S100Z: variants seen among roughly 807,000 people sequenced by gnomAD.
S100Z encodes the protein S100 calcium binding protein Z, also known as protein S100-Z.
Under a neutral mutation model 8.5 loss-of-function variants are expected in S100Z, and 11 were observed. The ratio of observed to expected loss-of-function variants is 1.30; its 90% CI spans 0.82 to 2.15. The LOEUF (loss-of-function observed/expected upper bound fraction) is 2.15. S100Z is among the 30% of genes most tolerant of loss of function. S100Z has a pLI of 0.00. For synonymous variants in S100Z, 34 were observed against 43.8 expected (o/e 0.78, Z 0.89); for missense variants, 126 against 117.9 (o/e 1.07, Z -0.32).
chr5:76,884,889 G>A (rs552134993), intron 4 of S100Z, among the ~76,000 whole-genome samples: 1 of 152,274 alleles, frequency 6.6e-6, no homozygotes, highest in East Asian at 1.9e-4. Flanking sequence ...TTGGGGTGGA[G>A]ACTGAAGGAA....
downstream of S100Z, among the ~76,000 whole-genome samples, chr5:76,922,538 G>A (rs1445894881): frequency 1.3e-5 from 2 of 151,988 alleles, no homozygotes; most frequent in Non-Finnish European, 2.9e-5. Flanking sequence ...TTGTTTGTTT[G>A]TTTTTGAGAT....
At chr5:76,896,300 G>C (rs969978423) in intron 4 of S100Z, among the ~76,000 whole-genome samples, 2 of 152,122 alleles carry the variant, frequency 1.3e-5, no homozygotes, top group African/African-American at 4.8e-5. Flanking sequence ...TTGTCTTTCT[G>C]TGCATGGCTC....
At chr5:76,915,488 G>A (rs1293456898) in intron 4 of S100Z, among the ~76,000 whole-genome samples, 2 of 151,482 alleles carry the variant, frequency 1.3e-5, no homozygotes, top group Non-Finnish European at 2.9e-5. Flanking sequence ...AGCGTCTGTA[G>A]TCCTGGCTAC....
chr5:76,853,518 G>A (rs557687838), intron 1 of S100Z, among the ~76,000 whole-genome samples: 7 of 152,202 alleles, frequency 4.6e-5, no homozygotes, highest in South Asian at 2.1e-4. Flanking sequence ...TCCCCAGGCC[G>A]GATGTGTTGG....
At chr5:76,880,282 G>A (rs1743357314) in intron 4 of S100Z, among the ~76,000 whole-genome samples, 3 of 152,344 alleles carry the variant, frequency 2.0e-5, no homozygotes, top group Non-Finnish European at 4.4e-5. Context: ...GGATGTATAT[G>A]TGCAGGTCAC....
chr5:76,886,898 A>G (rs1287703578), intron 4 of S100Z, among the ~76,000 whole-genome samples: 1 of 152,124 alleles, frequency 6.6e-6, no homozygotes, highest in African/African-American at 2.4e-5. Context: ...CAATGGTGGA[A>G]TGTCATCAGT....
intron 4 of S100Z, among the ~76,000 whole-genome samples, chr5:76,900,406 A>G (rs1744189940): frequency 6.6e-6 from 1 of 151,634 alleles, no homozygotes; most frequent in African/African-American, 2.4e-5. Flanking sequence ...ATTCTGTAGG[A>G]TTACTTCATT....
chr5:76,855,564 T>G (rs1247518246), intron 1 of S100Z, among the ~76,000 whole-genome samples: 3 of 152,208 alleles, frequency 2.0e-5, no homozygotes, highest in Non-Finnish European at 4.4e-5. Flanking sequence ...GGCCTCTTTT[T>G]GGGGGCTGAT....
intron 4 of S100Z, among the ~76,000 whole-genome samples, chr5:76,885,786 TG>T (rs1472516562): frequency 6.9e-6 from 1 of 143,952 alleles, no homozygotes; most frequent in Non-Finnish European, 1.5e-5. Context: ...ACAGAAGAGG[TG>T]GGGGCTGCTT....
At chr5:76,851,163 G>A (rs1265803847) in intron 1 of S100Z, among the ~76,000 whole-genome samples, 1 of 152,228 alleles carries the variant, frequency 6.6e-6, no homozygotes, top group Non-Finnish European at 1.5e-5. Context: ...AGGGGCATCG[G>A]AGGCTTCCCT....
intron 1 of S100Z, among the ~76,000 whole-genome samples, chr5:76,860,641 G>A (rs1751028700): frequency 1.3e-5 from 2 of 152,198 alleles, no homozygotes; most frequent in African/African-American, 4.8e-5. Flanking sequence ...GCTTTGTGAT[G>A]TGAGGTGATG....
the S100Z span, chr5:76,948,932 G>A: frequency 6.6e-6 from 1 of 152,188 alleles, no homozygotes; most frequent in Non-Finnish European, 1.5e-5. Context: ...ACACATACTG[G>A]GGCCTATTGG....
At chr5:76,924,817 G>T (rs1254342426), downstream of S100Z, among the ~76,000 whole-genome samples, 1 of 152,130 alleles carries the variant, frequency 6.6e-6, no homozygotes, top group African/African-American at 2.4e-5. Context: ...GGAGGCTGAG[G>T]TAGGAGAATC....
At chr5:76,864,869 T>C (rs1437689226) in intron 1 of S100Z, among the ~76,000 whole-genome samples, 1 of 151,924 alleles carries the variant, frequency 6.6e-6, no homozygotes, top group African/African-American at 2.4e-5. Flanking sequence ...TCACCATGCC[T>C]GGCTAATTGT....
chr5:76,889,907 A>G (rs898200855), intron 4 of S100Z, among the ~76,000 whole-genome samples: 1 of 152,268 alleles, frequency 6.6e-6, no homozygotes, highest in African/African-American at 2.4e-5. Flanking sequence ...TGGTTATTAG[A>G]TAGAGCAGCT....
the S100Z span, among the ~76,000 whole-genome samples, chr5:76,926,833 T>C: frequency 7.2e-5 from 11 of 152,268 alleles, no homozygotes; most frequent in African/African-American, 2.4e-4. Context: ...CCCTGAAGAG[T>C]TGCAAACCAT....
chr5:76,874,479 C>T (rs1231425684), intron 2 of S100Z, among the ~76,000 whole-genome samples: 1 of 152,174 alleles, frequency 6.6e-6, no homozygotes, highest in East Asian at 1.9e-4. Flanking sequence ...ACCCTTGGGG[C>T]AGCAGCTCAC....
rs938152131 is a variant in S100Z, at chr5:76,875,039, C to G, written c.-56-265C>G. On this transcript the variant is annotated intron_variant, in intron 2 of 4. Coordinates refer to ENST00000317593, the MANE Select transcript of S100Z (RefSeq NM_130772.4). Reference sequence around the variant, plus strand: ...AGCTAGCTGGGACTACAGGCGCCCGCCGCCGCGCCCGGCTAATTTTTTTTT... The same window carrying G: ...AGCTAGCTGGGACTACAGGCGCCCGGCGCCGCGCCCGGCTAATTTTTTTTT... Among the ~76,000 whole-genome samples the G allele has an allele frequency of 5.9e-5, 9 of 152,286 alleles. No homozygotes were observed. The East Asian group carries it at 1.7e-3, about 29-fold the overall frequency.
At chr5:76,929,766 G>T in the S100Z span, among the ~76,000 whole-genome samples, 1 of 152,172 alleles carries the variant, frequency 6.6e-6, no homozygotes, top group Admixed American at 6.5e-5. Flanking sequence ...GGATGGAATG[G>T]TCACCAACAG....
Sources: gnomAD v4.1 joint callset for allele counts (sites outside exome capture counted in the v4.1 genomes callset) on GRCh38, gnomAD v4.1.1 for gene constraint, MANE v1.5 for transcripts, NCBI Gene and HGNC (gene_info 2026-07-23, HGNC 2026-07-21) for gene names.